Variants in GLIS3 observed in about 807,000 individuals in gnomAD.
GLIS3 encodes GLIS family zinc finger 3.
GLIS3 carries 53 observed loss-of-function variants against 78.6 expected under a neutral mutation model. That is an observed-to-expected ratio of 0.67 (90% CI 0.54 to 0.85). The LOEUF (loss-of-function observed/expected upper bound fraction) is 0.85, where lower values mean the gene tolerates loss of function less well. Ranked by LOEUF, GLIS3 falls within the 40% of genes least tolerant of loss-of-function variation. The pLI is 0.00. For synonymous variants in GLIS3, 684 were observed against 509.9 expected (o/e 1.34, Z -4.60); for missense variants, 1,703 against 1,231.1 (o/e 1.38, Z -5.74).
At chr9:4,216,503 G>GA (rs1820858460) in intron 2 of GLIS3, among the ~76,000 whole-genome samples, 2 of 140,358 alleles carry the variant, frequency 1.4e-5, no homozygotes, top group Admixed American at 7.2e-5. Context: ...GAAAAGAAAA[G>GA]AAAAGAAAAA....
At chr9:4,414,970 G>A in the GLIS3 span, among the ~76,000 whole-genome samples, 1 of 151,984 alleles carries the variant, frequency 6.6e-6, no homozygotes, top group Non-Finnish European at 1.5e-5. Flanking sequence ...ACTTGTTCTT[G>A]TATTTGGAAT....
At chr9:4,246,625 T>A (rs1203436327) in intron 2 of GLIS3, among the ~76,000 whole-genome samples, 1 of 152,226 alleles carries the variant, frequency 6.6e-6, no homozygotes, top group Admixed American at 6.5e-5. Flanking sequence ...TGGAGTTCAG[T>A]ATCCCCACTA....
chr9:4,141,356 G>C (rs67648867), intron 2 of GLIS3, among the ~76,000 whole-genome samples: 37,111 of 152,020 alleles, frequency 0.24, 4,752 homozygotes, highest in Middle Eastern at 0.36. Flanking sequence ...CCAGACCTTC[G>C]GGCCTGGGCT....
intron 2 of GLIS3, among the ~76,000 whole-genome samples, chr9:4,203,762 A>T (rs902217593): frequency 1.1e-4 from 16 of 152,220 alleles, no homozygotes; most frequent in African/African-American, 3.6e-4. Context: ...TACACTATGG[A>T]ATAGTACACA....
intron 2 of GLIS3, among the ~76,000 whole-genome samples, chr9:4,224,378 T>C (rs1432191094): frequency 6.6e-6 from 1 of 152,238 alleles, no homozygotes; most frequent in East Asian, 1.9e-4. Flanking sequence ...TGGTGACAGC[T>C]TCCAAAGGTG....
chr9:4,330,834 C>A (rs1817674523), intron 2 of GLIS3, among the ~76,000 whole-genome samples: 1 of 152,130 alleles, frequency 6.6e-6, no homozygotes, highest in African/African-American at 2.4e-5. Context: ...GAATCATCCA[C>A]CACCAGCACC....
intron 3 of GLIS3, among the ~76,000 whole-genome samples, chr9:4,125,107 G>C (rs900097668): frequency 2.0e-5 from 3 of 152,144 alleles, no homozygotes; most frequent in Non-Finnish European, 4.4e-5. Context: ...ACTTACTATG[G>C]AACCTAATCG....
At chr9:4,436,072 G>A in the GLIS3 span, among the ~76,000 whole-genome samples, 7 of 152,346 alleles carry the variant, frequency 4.6e-5, no homozygotes, top group South Asian at 1.2e-3. Context: ...AAGCTCATTT[G>A]TGGCTCACAG....
intron 4 of GLIS3, among the ~76,000 whole-genome samples, chr9:4,087,543 T>C (rs753724773): frequency 2.6e-5 from 4 of 152,096 alleles, no homozygotes; most frequent in Non-Finnish European, 5.9e-5. Context: ...GGGAACAGTT[T>C]GAAAACCCCA....
intron 2 of GLIS3, among the ~76,000 whole-genome samples, chr9:4,335,344 T>C (rs1359841381): frequency 6.6e-6 from 1 of 152,216 alleles, no homozygotes; most frequent in Admixed American, 6.5e-5. Context: ...CCTGTGAAAT[T>C]GATCAATTAA....
chr9:4,445,789 C>T, the GLIS3 span, among the ~76,000 whole-genome samples: 11 of 152,192 alleles, frequency 7.2e-5, no homozygotes, highest in African/African-American at 2.4e-4. Flanking sequence ...CAAGTACACA[C>T]CCCACTATGA....
chr9:4,112,981 C>A (rs913682670), intron 4 of GLIS3, among the ~76,000 whole-genome samples: 2 of 151,246 alleles, frequency 1.3e-5, no homozygotes, highest in Non-Finnish European at 2.9e-5. Flanking sequence ...ACCCTGCCCC[C>A]ATGATTTTAT....
chr9:4,285,050 T>A (rs988114853), intron 2 of GLIS3, among the ~76,000 whole-genome samples: 2 of 152,226 alleles, frequency 1.3e-5, no homozygotes, highest in African/African-American at 4.8e-5. Context: ...ACTTGACTGA[T>A]AGAAATCATT....
chr9:4,331,612 C>T (rs1230293342), intron 2 of GLIS3, among the ~76,000 whole-genome samples: 4 of 152,132 alleles, frequency 2.6e-5, no homozygotes, highest in Non-Finnish European at 4.4e-5. Flanking sequence ...TGTACTTGAG[C>T]GACAGCGGTC....
At chr9:3,953,787 C>A (rs1459580611) in intron 4 of GLIS3, among the ~76,000 whole-genome samples, 987 of 44,328 alleles carry the variant, frequency 0.022, 16 homozygotes, top group African/African-American at 0.076. Context: ...CTCTCTCTCT[C>A]TCTCTCTCTA....
the GLIS3 span, among the ~76,000 whole-genome samples, chr9:4,470,065 A>T: frequency 7.2e-5 from 11 of 152,236 alleles, no homozygotes; most frequent in Non-Finnish European, 4.4e-5. Flanking sequence ...AAGAAGTTAA[A>T]TCTCTGAATA....
chr9:3,875,478 C>T (rs528043760), intron 8 of GLIS3: 6 of 152,148 alleles, frequency 3.9e-5, no homozygotes, highest in Admixed American at 3.3e-4. Flanking sequence ...AATCAATGCC[C>T]GCAAGCAGGA....
At chr9:3,937,476 T>G (rs1436557615) in intron 4 of GLIS3, among the ~76,000 whole-genome samples, 1 of 152,226 alleles carries the variant, frequency 6.6e-6, no homozygotes, top group Non-Finnish European at 1.5e-5. Context: ...CTGGCTCTGT[T>G]AATAAAAATA....
chr9:4,089,853 C>T (rs182152549), intron 4 of GLIS3, among the ~76,000 whole-genome samples: 4 of 152,160 alleles, frequency 2.6e-5, no homozygotes, highest in African/African-American at 9.7e-5. Context: ...ATTGAATTCT[C>T]AGGTGTCTCC....
Sources: allele counts gnomAD v4.1 joint callset (sites outside exome capture counted in the v4.1 genomes callset), GRCh38; gene constraint gnomAD v4.1.1; transcripts MANE v1.5; gene names NCBI Gene and HGNC (gene_info 2026-07-23, HGNC 2026-07-21).